The following ANKMY2 variants were observed in gnomAD, a reference collection of about 807,000 sequenced individuals.
ANKMY2 encodes the protein ankyrin repeat and MYND domain containing 2.
ANKMY2 carries 36 observed loss-of-function variants against 50.4 expected under a neutral mutation model. The ratio of observed to expected loss-of-function variants is 0.71; its 90% CI spans 0.55 to 0.94. The LOEUF is 0.94. Ranked by LOEUF, ANKMY2 falls within the 40% of genes least tolerant of loss-of-function variation. The probability of loss-of-function intolerance (pLI) is 0.00; values close to 1 mark genes in which losing one functional copy is unlikely to be tolerated. For missense variants in ANKMY2, 565 were observed against 524.0 expected (o/e 1.08, Z -0.76); for synonymous variants, 187 against 178.8 (o/e 1.05, Z -0.36).
chr7:16,601,966 C>A (rs1280192360), intron 9 of ANKMY2, among the ~76,000 whole-genome samples: 1 of 152,124 alleles, frequency 6.6e-6, no homozygotes, highest in African/African-American at 2.4e-5. Context: ...ACCTGTAGTT[C>A]TGAAATTTAA....
intron 3 of ANKMY2, among the ~76,000 whole-genome samples, chr7:16,625,353 T>G (rs1041378438): frequency 1.3e-5 from 2 of 152,160 alleles, no homozygotes; most frequent in East Asian, 1.9e-4. Flanking sequence ...ATGAAATATA[T>G]TTTCCTAGAG....
At chr7:16,606,060 G>T (rs933515806) in intron 7 of ANKMY2, among the ~76,000 whole-genome samples, 1 of 151,808 alleles carries the variant, frequency 6.6e-6, no homozygotes, top group African/African-American at 2.4e-5. Context: ...CTCGTGGTTC[G>T]CCCGCCTTGG....
chr7:16,641,506 T>C (rs2128347081), intron 1 of ANKMY2, among the ~76,000 whole-genome samples: 1 of 152,174 alleles, frequency 6.6e-6, no homozygotes, highest in South Asian at 2.1e-4. Flanking sequence ...TATATTTTAA[T>C]TTTTTCTTTG....
chr7:16,623,806 A>T (rs1384469478), intron 4 of ANKMY2, among the ~76,000 whole-genome samples: 1 of 152,200 alleles, frequency 6.6e-6, no homozygotes, highest in East Asian at 1.9e-4. Context: ...TACCTTTCTC[A>T]AGTCCTTTTG....
At chr7:16,626,316 A>C (rs1430467773) in intron 3 of ANKMY2, among the ~76,000 whole-genome samples, 1 of 152,156 alleles carries the variant, frequency 6.6e-6, no homozygotes, top group Non-Finnish European at 1.5e-5. Flanking sequence ...TAATCTTTTA[A>C]GACATATAAT....
chr7:16,604,653 A>C, intron 8 of ANKMY2, 68 bp downstream of exon 8: 1 of 1,551,440 alleles, frequency 6.4e-7, no homozygotes, highest in Non-Finnish European at 8.7e-7. Context: ...CAGAATATTA[A>C]AACTCAATCA....
intron 3 of ANKMY2, among the ~76,000 whole-genome samples, chr7:16,626,464 G>C (rs530121607): frequency 6.6e-6 from 1 of 152,188 alleles, no homozygotes; most frequent in Non-Finnish European, 1.5e-5. Flanking sequence ...CTGGGTTCCA[G>C]GATTATGAAA....
intron 4 of ANKMY2, among the ~76,000 whole-genome samples, chr7:16,618,593 G>A (rs1781391196): frequency 6.6e-6 from 1 of 152,122 alleles, no homozygotes; most frequent in Admixed American, 6.5e-5. Context: ...TCGGGGAGGT[G>A]GGTATTTCTT....
chr7:16,616,842 G>T (rs2128343364), intron 4 of ANKMY2, among the ~76,000 whole-genome samples: 1 of 152,354 alleles, frequency 6.6e-6, no homozygotes, highest in East Asian at 1.9e-4. Context: ...CTTGTGCTTG[G>T]TCCTGGGAGC....
At chr7:16,609,788 T>G (rs1359035124) in intron 6 of ANKMY2, 23 bp from the exon 7 acceptor site, 2 of 1,606,778 alleles carry the variant, frequency 1.2e-6, no homozygotes, top group Non-Finnish European at 1.7e-6. Context: ...TTTTAAAGCG[T>G]AATTGGAGTT....
At chr7:16,623,450 C>T (rs1017453835) in intron 4 of ANKMY2, among the ~76,000 whole-genome samples, 5 of 152,104 alleles carry the variant, frequency 3.3e-5, no homozygotes, top group Non-Finnish European at 1.5e-5. Context: ...ATTTCCAGAC[C>T]TGTGATCTTG....
chr7:16,600,484 T>C lies in ANKMY2; in HGVS notation c.*277A>G, dbSNP rs191793568. The C allele has an allele frequency of 2.5e-3, 637 of 259,984 alleles. 1 individual carries two copies. Among genetic ancestry groups the C allele is most frequent in the Non-Finnish European group, 3.0e-3 (416 of 138,852 alleles). The allele number at this position is 259,984 out of a possible 1,614,324, so 16.1% of individuals were successfully genotyped here. ...GGGGATCTATTTTCCTTTGAAACAA[T>C]TGCTGGAAAGCCAGCCTCAGAAAGG... On this transcript the variant is annotated 3_prime_UTR_variant, in exon 10 of 10. Transcript: ENST00000306999.
rs1781234377 is a variant in ANKMY2, at chr7:16,610,687, A to G, written c.608T>C (p.Leu203Ser). ...TTGCTTCATACATTTCTCACAAATC[A>G]AATCCATCACTCTGTAGCATTTATT... is the stretch of plus-strand genomic sequence containing the variant. Reference protein sequence around the residue: ...ALNKCYRVMDLICEKCMKQRD... With the variant: ...ALNKCYRVMDSICEKCMKQRD... The change falls in exon 6 of 10, where the codon TTG (leucine) becomes TCG (serine). Residue 203 changes from leucine to serine, a missense_variant. Leu to Ser is a moderately radical substitution (Grantham distance 145, BLOSUM62 -2). Coordinates refer to ENST00000306999, the MANE Select transcript of ANKMY2 (RefSeq NM_020319.3). 2.5e-6 allele frequency: 4 copies of G among 1,614,020 alleles called. No individual in the cohort carries two copies. Among genetic ancestry groups the G allele is most frequent in the Non-Finnish European group, 2.5e-6 (3 of 1,179,976 alleles).
At chr7:16,643,004 C>T (rs1273527087) in intron 1 of ANKMY2, among the ~76,000 whole-genome samples, 2 of 152,206 alleles carry the variant, frequency 1.3e-5, no homozygotes, top group Non-Finnish European at 2.9e-5. Flanking sequence ...TCCTAACTTC[C>T]CAGTTCCTCA....
intron 7 of ANKMY2, among the ~76,000 whole-genome samples, chr7:16,606,473 C>A (rs765988940): frequency 6.6e-6 from 1 of 151,814 alleles, no homozygotes; most frequent in Non-Finnish European, 1.5e-5. Context: ...CTGTCTGAGA[C>A]GATGCTACTA....
intron 1 of ANKMY2, among the ~76,000 whole-genome samples, chr7:16,638,339 C>T (rs1289881978): frequency 6.6e-6 from 1 of 152,334 alleles, no homozygotes; most frequent in East Asian, 1.9e-4. Context: ...TGATCCCCTC[C>T]TCAGGTTCCA....
chr7:16,609,507 C>T, intron 7 of ANKMY2, 123 bp downstream of exon 7: 1 of 1,159,742 alleles, frequency 8.6e-7, no homozygotes, highest in Non-Finnish European at 1.1e-6. Context: ...CTATCTCCAC[C>T]TTTGTTCCTA....
intron 1 of ANKMY2, among the ~76,000 whole-genome samples, chr7:16,640,864 C>T (rs1460936697): frequency 6.6e-6 from 1 of 151,924 alleles, no homozygotes; most frequent in Admixed American, 6.6e-5. Context: ...GCCACGAAAA[C>T]GGATATTTTA....
At chr7:16,617,926 T>TG (rs1781380241) in intron 4 of ANKMY2, among the ~76,000 whole-genome samples, 2 of 137,004 alleles carry the variant, frequency 1.5e-5, no homozygotes, top group African/African-American at 7.0e-5. Flanking sequence ...TGTTTTTTTT[T>TG]TTTTTTTTTT....
Sources: gnomAD v4.1 joint callset for allele counts (sites outside exome capture counted in the v4.1 genomes callset) on GRCh38, gnomAD v4.1.1 for gene constraint, MANE v1.5 for transcripts, NCBI Gene and HGNC (gene_info 2026-07-23, HGNC 2026-07-21) for gene names.